The following IFT88 variants were observed in gnomAD, a reference collection of about 807,000 sequenced individuals.
IFT88 encodes intraflagellar transport protein 88 homolog.
Under a neutral mutation model 119.5 loss-of-function variants are expected in IFT88, and 74 were observed. That is an observed-to-expected ratio of 0.62 (90% CI 0.51 to 0.75). IFT88 has a LOEUF of 0.75. Among genes scored for constraint, IFT88 ranks in the 30% least tolerant of loss-of-function variants. The pLI, the probability that IFT88 is intolerant of heterozygous loss-of-function variation, is 0.00. For missense variants in IFT88, 961 were observed against 977.7 expected, an observed-to-expected ratio of 0.98 and a Z score of 0.23; for synonymous variants, 279 against 316.7, an observed-to-expected ratio of 0.88 and a Z score of 1.26.
At chr13:20,689,222 G>A (rs960864339) in intron 24 of IFT88, among the ~76,000 whole-genome samples, 143 of 152,276 alleles carry the variant, frequency 9.4e-4, no homozygotes, top group African/African-American at 3.2e-3. Flanking sequence ...GTGAGTCACC[G>A]TGCCCGGCCC....
chr13:20,639,880 C>T (rs2049608013), intron 17 of IFT88, among the ~76,000 whole-genome samples: 1 of 145,498 alleles, frequency 6.9e-6, no homozygotes, highest in Non-Finnish European at 1.5e-5. Flanking sequence ...CCTCCACCTT[C>T]CAGGTTCAAG....
intron 7 of IFT88, among the ~76,000 whole-genome samples, chr13:20,595,437 C>T (rs1390448142): frequency 6.6e-6 from 1 of 151,810 alleles, no homozygotes; most frequent in Non-Finnish European, 1.5e-5. Flanking sequence ...TTATAGGTGC[C>T]TGCCCCAACA....
At chr13:20,683,738 C>T (rs1003343083) in intron 24 of IFT88, among the ~76,000 whole-genome samples, 3 of 152,136 alleles carry the variant, frequency 2.0e-5, no homozygotes, top group Non-Finnish European at 4.4e-5. Flanking sequence ...ATTTGATTCA[C>T]CCAATAAGCT....
intron 1 of IFT88, among the ~76,000 whole-genome samples, chr13:20,573,396 G>T (rs1472091726): frequency 6.6e-6 from 1 of 152,124 alleles, no homozygotes. Context: ...GTTACATGAA[G>T]TCTGAGTGTT....
intron 24 of IFT88, among the ~76,000 whole-genome samples, chr13:20,683,286 A>G (rs2057522005): frequency 6.6e-6 from 1 of 151,994 alleles, no homozygotes; most frequent in Non-Finnish European, 1.5e-5. Flanking sequence ...AATGATCTAA[A>G]CCCTGATGAG....
intron 15 of IFT88, among the ~76,000 whole-genome samples, chr13:20,626,877 A>G (rs1008374479): frequency 2.0e-5 from 3 of 152,232 alleles, no homozygotes; most frequent in African/African-American, 7.2e-5. Context: ...AGCTCTTCCC[A>G]GTTAGATCCA....
In IFT88 at chr13:20,670,999, T is replaced by C. The variant is rs1027297610; in HGVS notation, c.2202T>C (p.Ser734=). 1 of 1,614,054 alleles carries C rather than the reference T, an allele frequency of 6.2e-7. No individual in the cohort carries two copies. Among genetic ancestry groups the C allele is most frequent in the Non-Finnish European group, 8.5e-7 (1 of 1,179,944 alleles). Residue 734 remains serine, a synonymous_variant, in exon 24 of 26, where the codon AGT becomes AGC. Coordinates refer to ENST00000351808, the MANE Select transcript of IFT88 (RefSeq NM_006531.5). ...EQRIKSGRDG[S]GGSRGKREGS... ...GCATAAAGTCAGGCAGAGATGGCAGTGGGGGCTCCCGTGGCAAAAGAGAAG... is the reference window on the plus strand; with the variant it reads ...GCATAAAGTCAGGCAGAGATGGCAGCGGGGGCTCCCGTGGCAAAAGAGAAG...
At chr13:20,650,069 A>C (rs1449329728) in intron 20 of IFT88, among the ~76,000 whole-genome samples, 1 of 151,894 alleles carries the variant, frequency 6.6e-6, no homozygotes, top group East Asian at 1.9e-4. Context: ...AATTCACACC[A>C]TTTTTTTTCA....
chr13:20,572,067 A>G (rs2036471934), intron 1 of IFT88, among the ~76,000 whole-genome samples: 2 of 151,990 alleles, frequency 1.3e-5, no homozygotes, highest in African/African-American at 4.8e-5. Flanking sequence ...TTTTCCCTCA[A>G]CATTTCATTA....
intron 24 of IFT88, among the ~76,000 whole-genome samples, chr13:20,671,752 A>T (rs1327194919): frequency 1.3e-5 from 2 of 152,214 alleles, no homozygotes; most frequent in Non-Finnish European, 2.9e-5. Context: ...TTTAAAAATA[A>T]ATGTCGAATT....
chr13:20,624,116 T>G (rs750735957), intron 14 of IFT88, among the ~76,000 whole-genome samples: 6 of 152,206 alleles, frequency 3.9e-5, no homozygotes, highest in Non-Finnish European at 8.8e-5. Context: ...TTGTTGCAGC[T>G]TGGTACGCAA....
intron 20 of IFT88, among the ~76,000 whole-genome samples, chr13:20,653,497 A>G (rs1306646677): frequency 6.6e-6 from 1 of 152,206 alleles, no homozygotes; most frequent in Non-Finnish European, 1.5e-5. Context: ...TTCAAACACT[A>G]GATCAAAAAT....
chr13:20,665,608 A>C (rs1233086413), intron 23 of IFT88, among the ~76,000 whole-genome samples: 7 of 152,226 alleles, frequency 4.6e-5, no homozygotes. Flanking sequence ...TGTTGATTAC[A>C]TTTTCTAGGT....
chr13:20,606,202 G>A (rs978737919), intron 13 of IFT88, among the ~76,000 whole-genome samples: 8 of 152,108 alleles, frequency 5.3e-5, no homozygotes, highest in African/African-American at 1.7e-4. Context: ...TGGATGACAC[G>A]TGGGGAGCCT....
intron 13 of IFT88, among the ~76,000 whole-genome samples, chr13:20,610,755 T>C (rs190398369): frequency 5.3e-4 from 80 of 152,160 alleles, no homozygotes; most frequent in African/African-American, 1.8e-3. Context: ...AATTGAAATA[T>C]TAACAAAATT....
At chr13:20,648,039 A>G (rs1430448579) in intron 20 of IFT88, among the ~76,000 whole-genome samples, 1 of 152,194 alleles carries the variant, frequency 6.6e-6, no homozygotes, top group Non-Finnish European at 1.5e-5. Context: ...CAATGGAATG[A>G]TGTAAAGTCC....
intron 20 of IFT88, among the ~76,000 whole-genome samples, chr13:20,646,041 G>GC (rs1214258197): frequency 1.3e-5 from 2 of 152,162 alleles, no homozygotes; most frequent in Admixed American, 6.5e-5. Context: ...ATTAGCTCAT[G>GC]CAACACTCTT....
chr13:20,574,671 C>G (rs145684191), intron 2 of IFT88, among the ~76,000 whole-genome samples, 196 bp downstream of exon 2: 50 of 152,268 alleles, frequency 3.3e-4, no homozygotes, highest in African/African-American at 1.1e-3. Flanking sequence ...GATCATGAGA[C>G]AGGTTACAAA....
At chr13:20,618,127 A>G (rs1336832621) in intron 14 of IFT88, among the ~76,000 whole-genome samples, 1 of 151,816 alleles carries the variant, frequency 6.6e-6, no homozygotes, top group Non-Finnish European at 1.5e-5. Context: ...TCACCATGTT[A>G]GCCAGGATGG....
Sources: gnomAD v4.1 joint callset for allele counts (sites outside exome capture counted in the v4.1 genomes callset) on GRCh38, gnomAD v4.1.1 for gene constraint, MANE v1.5 for transcripts, NCBI Gene and HGNC (gene_info 2026-07-23, HGNC 2026-07-21) for gene names.